Variants in MCC observed in about 807,000 individuals in gnomAD.
The protein encoded by MCC is colorectal mutant cancer protein.
Under a neutral mutation model 116.2 loss-of-function variants are expected in MCC, and 90 were observed. That is an observed-to-expected ratio of 0.77 (90% CI 0.65 to 0.92). The LOEUF is 0.92. MCC is among the 40% of genes least tolerant of loss of function. MCC has a pLI of 0.00. For missense variants in MCC, 1,516 were observed against 1,312.2 expected, an observed-to-expected ratio of 1.16 and a Z score of -2.40; for synonymous variants, 578 against 510.5, an observed-to-expected ratio of 1.13 and a Z score of -1.78.
chr5:113,425,006 C>T (rs1207417574), intron 1 of MCC, among the ~76,000 whole-genome samples: 1 of 152,052 alleles, frequency 6.6e-6, no homozygotes, highest in African/African-American at 2.4e-5. Context: ...GAAACTATCA[C>T]ACATATAATT....
intron 1 of MCC, among the ~76,000 whole-genome samples, chr5:113,423,582 A>T (rs532300315): frequency 1.9e-4 from 29 of 152,248 alleles, no homozygotes; most frequent in Non-Finnish European, 1.5e-4. Flanking sequence ...ACTAAATTTC[A>T]AAAGTTACAA....
intron 1 of MCC, among the ~76,000 whole-genome samples, chr5:113,486,522 T>C (rs1772532106): frequency 6.6e-6 from 1 of 152,246 alleles, no homozygotes; most frequent in Admixed American, 6.5e-5. Flanking sequence ...GTTTTCTGTA[T>C]GCACTCTTGC....
chr5:113,198,706 C>CA (rs530273754), intron 3 of MCC, among the ~76,000 whole-genome samples: 24,472 of 99,626 alleles, frequency 0.25, 2,376 homozygotes, highest in Middle Eastern at 0.3. Flanking sequence ...ACCCCCACCT[C>CA]AAAAAAAAAA....
chr5:113,439,650 G>T (rs1770972962), intron 1 of MCC, among the ~76,000 whole-genome samples: 1 of 152,124 alleles, frequency 6.6e-6, no homozygotes, highest in African/African-American at 2.4e-5. Context: ...CAAAATCCTA[G>T]CCTGTGGTGG....
rs544159708 is a variant in MCC at position 113,152,328 on chromosome 5, C to T, written c.628-906G>A. Among the ~76,000 whole-genome samples the T allele has an allele frequency of 6.6e-5, 10 of 152,270 alleles. No homozygotes were observed. The South Asian group carries it at 8.3e-4, about 13-fold the overall frequency. ...GACGGATGGAACTATTTTTAAGACC[C>T]GTTCAACACACTGGTCCCAAAGCAA... On this transcript the variant is annotated intron_variant, in intron 3 of 18. Coordinates refer to ENST00000408903, the MANE Select transcript of MCC (RefSeq NM_001085377.2).
intron 17 of MCC, among the ~76,000 whole-genome samples, chr5:113,031,197 A>T (rs1465527257): frequency 6.6e-6 from 1 of 152,174 alleles, no homozygotes; most frequent in African/African-American, 2.4e-5. Flanking sequence ...CTTTAAGGGA[A>T]GTCTAGCAAC....
chr5:113,168,504 TA>T (rs540491786), intron 3 of MCC, among the ~76,000 whole-genome samples: 114 of 152,306 alleles, frequency 7.5e-4, no homozygotes, highest in African/African-American at 2.2e-3. Flanking sequence ...CTACATAAGT[TA>T]AATGATTTCC....
intron 11 of MCC, among the ~76,000 whole-genome samples, chr5:113,073,098 T>C (rs903123671): frequency 6.6e-6 from 1 of 151,106 alleles, no homozygotes; most frequent in Non-Finnish European, 1.5e-5. Flanking sequence ...TTTTTTTCAG[T>C]TCATCAGCTG....
chr5:113,187,653 G>T (rs1319332984), intron 3 of MCC, among the ~76,000 whole-genome samples: 4 of 151,762 alleles, frequency 2.6e-5, no homozygotes, highest in Non-Finnish European at 5.9e-5. Flanking sequence ...TACTTGGGAG[G>T]CTGAGGCGAG....
chr5:113,364,238 G>GAAAAAAAAAAAAAAAAAAAAAAAAAA (rs60976854), intron 2 of MCC, among the ~76,000 whole-genome samples: 1 of 49,422 alleles, frequency 2.0e-5, no homozygotes, highest in Non-Finnish European at 3.6e-5. Flanking sequence ...CTCAAAAACA[G>GAAAAAAAAAAAAAAAAAAAAAAAAAA]AAAAAAAAAA....
intron 1 of MCC, among the ~76,000 whole-genome samples, chr5:113,465,273 T>C (rs1332950596): frequency 6.6e-6 from 1 of 152,024 alleles, no homozygotes; most frequent in Non-Finnish European, 1.5e-5. Context: ...AAATTATGTA[T>C]TTTCAAGTCA....
chr5:113,217,146 C>G (rs1452722137), intron 3 of MCC, among the ~76,000 whole-genome samples: 1 of 152,174 alleles, frequency 6.6e-6, no homozygotes, highest in Non-Finnish European at 1.5e-5. Context: ...TGAAAACAAG[C>G]AGCTAGGTCT....
chr5:113,171,151 A>AAGTT (rs1761052051), intron 3 of MCC, among the ~76,000 whole-genome samples: 3 of 151,978 alleles, frequency 2.0e-5, no homozygotes, highest in Non-Finnish European at 4.4e-5. Context: ...GAGTGCTATC[A>AAGTT]CAGCATGGTG....
At chr5:113,175,573 T>C (rs17135388) in intron 3 of MCC, among the ~76,000 whole-genome samples, 17,103 of 152,086 alleles carry the variant, frequency 0.11, 1,071 homozygotes, top group African/African-American at 0.14. Flanking sequence ...GACAGATAAA[T>C]AGATATGATG....
Position 113,366,829 on chromosome 5 carries a change from A to T in MCC, c.415+18139T>A, listed in dbSNP as rs573217997. ...TTATTTACTTATTTTTTGAGACAGG[A>T]TCTTACTCTATCACCCAGGCTGGAG... On this transcript the variant is annotated intron_variant, in intron 2 of 18. Coordinates refer to ENST00000408903, the MANE Select transcript of MCC (RefSeq NM_001085377.2). Among the ~76,000 whole-genome samples the T allele has an allele frequency of 1.4e-3, 211 of 152,086 alleles. 2 individuals are homozygous for T. Among genetic ancestry groups the T allele is most frequent in the Middle Eastern group, 6.8e-3 (2 of 294 alleles).
intron 3 of MCC, among the ~76,000 whole-genome samples, chr5:113,340,103 A>G (rs1001421176): frequency 6.6e-6 from 1 of 152,280 alleles, no homozygotes; most frequent in African/African-American, 2.4e-5. Context: ...CTCTTAAAGT[A>G]TAACCAGAAA....
rs570076315 is a variant in MCC, at chr5:113,361,392, G to T, written c.416-20662C>A. On this transcript the variant is annotated intron_variant, in intron 2 of 18. Coordinates refer to ENST00000408903, the MANE Select transcript of MCC (RefSeq NM_001085377.2). The stretch of plus-strand genomic sequence containing the variant: ...CTCTTTCAAAATTCTTAGAATGGAT[G>T]CTCAACTCAGCCTTTTTATTTTGTT... 1.3e-5 allele frequency among the ~76,000 whole-genome samples: 2 copies of T among 152,026 alleles called. 1 individual carries two copies. The highest frequency in any genetic ancestry group is 1.3e-4 in the Admixed American group (2 of 15,248).
chr5:113,215,420 C>T (rs908983638), intron 3 of MCC, among the ~76,000 whole-genome samples: 1 of 152,152 alleles, frequency 6.6e-6, no homozygotes, highest in Non-Finnish European at 1.5e-5. Context: ...TTGAATACTG[C>T]ACCCTTCAAA....
intron 3 of MCC, among the ~76,000 whole-genome samples, chr5:113,293,658 G>C (rs1210436297): frequency 6.6e-6 from 1 of 152,172 alleles, no homozygotes; most frequent in African/African-American, 2.4e-5. Context: ...TAATTTCAAA[G>C]CTGGTCTCAA....
Sources: gnomAD v4.1 joint callset for allele counts (sites outside exome capture counted in the v4.1 genomes callset) on GRCh38, gnomAD v4.1.1 for gene constraint, MANE v1.5 for transcripts, NCBI Gene and HGNC (gene_info 2026-07-23, HGNC 2026-07-21) for gene names.